PHF12: variants seen among roughly 807,000 people sequenced by gnomAD.
PHF12 encodes PHD factor 1.
Under a neutral mutation model 99.8 loss-of-function variants are expected in PHF12, and 6 were observed. The observed-to-expected ratio is 0.06, with a 90% CI of 0.03 to 0.12. The LOEUF is 0.12. Ranked by LOEUF, PHF12 falls within the 10% of genes least tolerant of loss-of-function variation. The pLI is 1.00. For synonymous variants in PHF12, 480 were observed against 514.9 expected (o/e 0.93, Z 0.92); for missense variants, 954 against 1,300.1 (o/e 0.73, Z 4.09).
chr17:28,943,503 A>G (rs145062246), intron 2 of PHF12, among the ~76,000 whole-genome samples: 310 of 152,116 alleles, frequency 2.0e-3, no homozygotes, highest in African/African-American at 7.2e-3. Context: ...GGTGGCGGAC[A>G]TCTGTAATCC....
intron 5 of PHF12, among the ~76,000 whole-genome samples, chr17:28,919,623 C>T (rs1261368383): frequency 1.3e-5 from 2 of 152,116 alleles, no homozygotes; most frequent in African/African-American, 2.4e-5. Flanking sequence ...ACCTGTAATC[C>T]CAGCTACTCG....
rs1177377511 is a variant in PHF12, at chr17:28,912,557, G to T, written c.2014C>A (p.Pro672Thr). The T allele has an allele frequency of 6.2e-7, 1 of 1,613,922 alleles. No individual in the cohort carries two copies. The highest frequency in any genetic ancestry group is 1.3e-5 in the African/African-American group (1 of 74,954). ...SPPNATRVLT[P>T]PQAAGDGILA... ...ATACCATCTCCTGCTGCTTGCGGGG[G>T]AGTGAGCACCCGGGTGGCGTTTGGG... The change falls in exon 9 of 15, where the codon CCC (proline) becomes ACC (threonine). Residue 672 changes from proline to threonine, a missense_variant. Pro to Thr is a conservative substitution (Grantham distance 38). Transcript: ENST00000332830.
Position 28,951,210 on chromosome 17 carries a change from C to G in PHF12, c.-250G>C. 1 of 1,366,214 alleles carries G rather than the reference C, an allele frequency of 7.3e-7. No homozygotes were observed. The highest frequency in any genetic ancestry group is 9.4e-7 in the Non-Finnish European group (1 of 1,060,828). 84.6% of individuals were successfully genotyped at this position (1,366,214 alleles called of 1,614,324 possible). A position where few individuals can be genotyped will look rare whatever the true frequency, so the allele number is the denominator to read the frequency against. On this transcript the variant is annotated 5_prime_UTR_variant, in exon 1 of 15. Transcript: ENST00000332830. ...CGGCTGCTGGCTGCACAGTGGGTCCCGGCTCCGGGGGTCAGGCCTCGGCGG... is the reference window on the plus strand; with the variant it reads ...CGGCTGCTGGCTGCACAGTGGGTCCGGGCTCCGGGGGTCAGGCCTCGGCGG...
intron 2 of PHF12, among the ~76,000 whole-genome samples, chr17:28,934,115 T>C (rs1205286562): frequency 6.6e-6 from 1 of 152,178 alleles, no homozygotes; most frequent in East Asian, 1.9e-4. Context: ...TGGATGTTTA[T>C]TTTAGGCTAG....
chr17:28,923,059 AT>A (rs1363247011), intron 4 of PHF12, among the ~76,000 whole-genome samples: 1 of 151,820 alleles, frequency 6.6e-6, no homozygotes, highest in African/African-American at 2.4e-5. Context: ...AAAAAAAAAA[AT>A]TCTATATTAA....
intron 13 of PHF12, 147 bp from the exon 14 acceptor site, chr17:28,907,141 G>T: frequency 1.1e-6 from 1 of 909,912 alleles, no homozygotes; most frequent in Non-Finnish European, 1.6e-6. Context: ...CCTTTCAGAA[G>T]GGGGCTGGAG....
intron 2 of PHF12, among the ~76,000 whole-genome samples, chr17:28,946,313 G>A (rs1287190722): frequency 2.0e-5 from 3 of 152,132 alleles, no homozygotes; most frequent in Non-Finnish European, 2.9e-5. Flanking sequence ...GTGAGGTCAC[G>A]GTACTGAGCA....
intron 2 of PHF12, among the ~76,000 whole-genome samples, chr17:28,934,131 G>C (rs1163195981): frequency 6.6e-6 from 1 of 152,224 alleles, no homozygotes; most frequent in African/African-American, 2.4e-5. Flanking sequence ...GCTAGACAAT[G>C]TGCTAAGTGC....
chr17:28,933,462 C>T lies in PHF12; in HGVS notation c.249-6399G>A, dbSNP rs1307925964. On this transcript the variant is annotated intron_variant, in intron 2 of 14. Transcript: ENST00000332830. ...GAACTGGAACCCAAATCAAAGTTTC[C>T]TGGCTCTTTGAAATCTTGAGCCTAA... Among the ~76,000 whole-genome samples, 5 of 152,336 alleles carry T rather than the reference C, an allele frequency of 3.3e-5. 1 individual carries two copies. The highest frequency in any genetic ancestry group is 6.8e-3 in the Middle Eastern group (2 of 294).
intron 2 of PHF12, among the ~76,000 whole-genome samples, chr17:28,946,460 G>C (rs2040724171): frequency 6.6e-6 from 1 of 151,972 alleles, no homozygotes. Flanking sequence ...TATTTGACTA[G>C]TCATTTCCTT....
At chr17:28,929,936 T>C (rs1285179671) in intron 2 of PHF12, 1 of 152,252 alleles carries the variant, frequency 6.6e-6, no homozygotes, top group Non-Finnish European at 1.5e-5. Context: ...TCAGTAGCTG[T>C]CCTATCAAAA....
intron 7 of PHF12, among the ~76,000 whole-genome samples, chr17:28,916,926 C>A (rs1394549176): frequency 6.6e-6 from 1 of 152,192 alleles, no homozygotes; most frequent in Non-Finnish European, 1.5e-5. Flanking sequence ...TAATCATCCC[C>A]ACCTTTACTT....
intron 2 of PHF12, among the ~76,000 whole-genome samples, chr17:28,939,340 C>T (rs1160199530): frequency 6.6e-6 from 1 of 152,218 alleles, no homozygotes; most frequent in Non-Finnish European, 1.5e-5. Flanking sequence ...CAAATAAGAT[C>T]AGGGAAAGTT....
chr17:28,938,185 A>G (rs1225536397), intron 2 of PHF12, among the ~76,000 whole-genome samples: 1 of 152,234 alleles, frequency 6.6e-6, no homozygotes, highest in Non-Finnish European at 1.5e-5. Flanking sequence ...CAGAAAACAA[A>G]AAATACTAAC....
At position 28,928,119 on chromosome 17, in the gene PHF12, A is replaced by C. The variant is rs1216817442; in HGVS notation, c.249-1056T>G. The C allele has an allele frequency of 2.0e-5, 3 of 152,264 alleles. No homozygotes were observed. The East Asian group carries it at 5.8e-4, about 29-fold the overall frequency. The allele number at this position is 152,264 out of a possible 1,614,324, so 9.4% of individuals were successfully genotyped here. A position where few individuals can be genotyped will look rare whatever the true frequency, so the allele number is the denominator to read the frequency against. On this transcript the variant is annotated intron_variant, in intron 2 of 14. Transcript: ENST00000332830. Reference sequence around the variant, plus strand: ...GAGTGAAACTCCATCTTGAGAAAACAAAAAACCAGCTTCAGCTGAACTCCA... The same window carrying C: ...GAGTGAAACTCCATCTTGAGAAAACCAAAAACCAGCTTCAGCTGAACTCCA...
intron 12 of PHF12, 105 bp from the exon 13 acceptor site, chr17:28,907,777 T>C: frequency 3.0e-6 from 3 of 995,596 alleles, no homozygotes; most frequent in Non-Finnish European, 4.7e-6. Context: ...GGGTTGGCAC[T>C]AGCAGAGACT....
chr17:28,926,634 G>A, intron 3 of PHF12: 1 of 496,392 alleles, frequency 2.0e-6, no homozygotes, highest in South Asian at 2.0e-5. Flanking sequence ...TATTTGCCCT[G>A]GGGTGAGAGA....
At chr17:28,935,552 G>A (rs2040493808) in intron 2 of PHF12, among the ~76,000 whole-genome samples, 1 of 152,172 alleles carries the variant, frequency 6.6e-6, no homozygotes, top group Admixed American at 6.6e-5. Flanking sequence ...GATTACAGGT[G>A]TGAGCCACCA....
At chr17:28,913,314 T>C (rs749571184) in intron 8 of PHF12, 37 bp from the exon 9 acceptor site, 2 of 1,566,996 alleles carry the variant, frequency 1.3e-6, no homozygotes, top group Non-Finnish European at 1.7e-6. Flanking sequence ...GTGAGAAGCC[T>C]GAGAGGCGCC....
Sources: allele counts gnomAD v4.1 joint callset (sites outside exome capture counted in the v4.1 genomes callset), GRCh38; gene constraint gnomAD v4.1.1; transcripts MANE v1.5; gene names NCBI Gene and HGNC (gene_info 2026-07-23, HGNC 2026-07-21).